EXOC6: variants seen among roughly 807,000 people sequenced by gnomAD.
EXOC6 encodes the protein SEC15-like 1.
Under a neutral mutation model 112.5 loss-of-function variants are expected in EXOC6, and 60 were observed. The observed-to-expected ratio is 0.53, with a 90% CI of 0.43 to 0.66. The LOEUF (loss-of-function observed/expected upper bound fraction) is 0.66. EXOC6 is among the 30% of genes least tolerant of loss of function. The pLI, the probability that EXOC6 is intolerant of heterozygous loss-of-function variation, is 0.00. For missense variants in EXOC6, 855 were observed against 957.1 expected (o/e 0.89, Z 1.41); for synonymous variants, 295 against 308.0 (o/e 0.96, Z 0.44).
At chr10:93,010,442 G>T (rs548808604) in intron 19 of EXOC6, among the ~76,000 whole-genome samples, 4 of 152,160 alleles carry the variant, frequency 2.6e-5, no homozygotes, top group African/African-American at 9.6e-5. Flanking sequence ...GGTGGCTCAC[G>T]CCTGTAATCA....
intron 18 of EXOC6, among the ~76,000 whole-genome samples, chr10:92,988,800 T>TAAC (rs1843112103): frequency 7.0e-6 from 1 of 142,992 alleles, no homozygotes; most frequent in African/African-American, 2.6e-5. Context: ...CTACAAAAAA[T>TAAC]ACACACACAC....
chr10:92,956,860 T>C (rs573812264), intron 17 of EXOC6, among the ~76,000 whole-genome samples: 7 of 152,086 alleles, frequency 4.6e-5, no homozygotes, highest in Non-Finnish European at 8.8e-5. Context: ...TCTTTATCTA[T>C]AAAATTAGAG....
At chr10:92,981,719 A>G (rs1443131350) in intron 18 of EXOC6, among the ~76,000 whole-genome samples, 2 of 152,246 alleles carry the variant, frequency 1.3e-5, no homozygotes, top group Non-Finnish European at 2.9e-5. Flanking sequence ...AATTTTAAAT[A>G]TCAAAAAATT....
At chr10:92,929,904 A>G (rs1851934407) in intron 9 of EXOC6, among the ~76,000 whole-genome samples, 1 of 152,236 alleles carries the variant, frequency 6.6e-6, no homozygotes, top group Non-Finnish European at 1.5e-5. Context: ...AGACTGAAGA[A>G]TATTTGATGC....
At chr10:92,881,083 AAGTCTCAACTGGACT>A (rs1382241492) in intron 1 of EXOC6, among the ~76,000 whole-genome samples, 22 of 152,144 alleles carry the variant, frequency 1.4e-4, no homozygotes, top group African/African-American at 5.3e-4. Flanking sequence ...AAGTAATCTG[AAGTCTCAACTGGACT>A]AGACAGCCAA....
intron 5 of EXOC6, among the ~76,000 whole-genome samples, chr10:92,903,184 A>G (rs1219978030): frequency 6.6e-6 from 1 of 152,070 alleles, no homozygotes; most frequent in Non-Finnish European, 1.5e-5. Flanking sequence ...TAATTATTTT[A>G]GTAGTACCAT....
At chr10:93,016,356 G>T (rs1844513236) in intron 20 of EXOC6, among the ~76,000 whole-genome samples, 1 of 151,766 alleles carries the variant, frequency 6.6e-6, no homozygotes, top group South Asian at 2.1e-4. Context: ...CACCAGGCTG[G>T]TCTCGAACTC....
intron 9 of EXOC6, among the ~76,000 whole-genome samples, chr10:92,931,786 T>G (rs1038286529): frequency 3.3e-5 from 5 of 152,032 alleles, no homozygotes; most frequent in African/African-American, 1.2e-4. Flanking sequence ...GGATTGATAA[T>G]AGCAAGTGCT....
At chr10:92,998,960 C>T (rs965211217) in intron 19 of EXOC6, among the ~76,000 whole-genome samples, 5 of 152,112 alleles carry the variant, frequency 3.3e-5, no homozygotes, top group African/African-American at 1.2e-4. Flanking sequence ...CAACCTCTGC[C>T]TTCTGGATTC....
intron 1 of EXOC6, among the ~76,000 whole-genome samples, chr10:92,841,444 T>C (rs1247126104): frequency 6.6e-6 from 1 of 152,234 alleles, no homozygotes; most frequent in Non-Finnish European, 1.5e-5. Flanking sequence ...TGCAATATCA[T>C]GACCTGATTT....
intron 20 of EXOC6, 121 bp from the exon 21 acceptor site, chr10:93,056,803 C>T (rs1846561837): frequency 3.3e-6 from 2 of 614,520 alleles, no homozygotes; most frequent in African/African-American, 2.0e-5. Context: ...AAATGAATTT[C>T]CGTATTCTGT....
chr10:93,049,903 G>T (rs1302760434), intron 20 of EXOC6, among the ~76,000 whole-genome samples: 1 of 152,204 alleles, frequency 6.6e-6, no homozygotes, highest in Non-Finnish European at 1.5e-5. Context: ...CATTTGGGGA[G>T]TGATTGCTAA....
chr10:92,997,146 A>ATT (rs1843530551), intron 18 of EXOC6, among the ~76,000 whole-genome samples: 1 of 152,192 alleles, frequency 6.6e-6, no homozygotes, highest in South Asian at 2.1e-4. Context: ...CATAAGTGTC[A>ATT]TTTTAATATG....
At chr10:93,011,989 T>C (rs1459040017) in intron 19 of EXOC6, among the ~76,000 whole-genome samples, 2 of 152,190 alleles carry the variant, frequency 1.3e-5, no homozygotes, top group Non-Finnish European at 2.9e-5. Flanking sequence ...AAAAGGGGTC[T>C]GAGAATGGTG....
At chr10:92,951,594 A>G (rs1282581152) in intron 14 of EXOC6, among the ~76,000 whole-genome samples, 1 of 152,230 alleles carries the variant, frequency 6.6e-6, no homozygotes, top group Non-Finnish European at 1.5e-5. Context: ...AGGTGAAGAT[A>G]GAAGGGTATA....
chr10:92,986,281 G>GAAA, intron 18 of EXOC6, among the ~76,000 whole-genome samples: 1 of 152,142 alleles, frequency 6.6e-6, no homozygotes, highest in East Asian at 1.9e-4. Context: ...TAAAGAATGT[G>GAAA]GAAAATATAG....
chr10:92,997,328 A>G (rs1275865352), intron 18 of EXOC6, 146 bp from the exon 19 acceptor site: 1 of 612,328 alleles, frequency 1.6e-6, no homozygotes, highest in Non-Finnish European at 2.6e-6. Flanking sequence ...AACCACTCAG[A>G]ATACAGAAAC....
At chr10:92,937,145 A>AT (rs1852387739) in intron 12 of EXOC6, among the ~76,000 whole-genome samples, 2 of 152,122 alleles carry the variant, frequency 1.3e-5, no homozygotes, top group Non-Finnish European at 2.9e-5. Flanking sequence ...AATTGATTGC[A>AT]TTTTCTTTTC....
At chr10:92,890,342 A>G (rs1048705789) in intron 1 of EXOC6, among the ~76,000 whole-genome samples, 1 of 152,166 alleles carries the variant, frequency 6.6e-6, no homozygotes, top group African/African-American at 2.4e-5. Flanking sequence ...CAGGTGGCTT[A>G]CCTGAGGTTG....
Sources: allele counts gnomAD v4.1 joint callset (sites outside exome capture counted in the v4.1 genomes callset), GRCh38; gene constraint gnomAD v4.1.1; transcripts MANE v1.5; gene names NCBI Gene and HGNC (gene_info 2026-07-23, HGNC 2026-07-21).